The following NARS2 variants were observed in gnomAD, a reference collection of about 807,000 sequenced individuals.
The protein encoded by NARS2 is asparaginyl-tRNA synthetase.
In NARS2, 60 loss-of-function variants were observed where a neutral mutation model predicts 62.9. The observed-to-expected ratio is 0.95, with a 90% CI of 0.77 to 1.18. NARS2 has a LOEUF of 1.18. Among genes scored for constraint, NARS2 ranks in the 50% most tolerant of loss-of-function variants. The pLI is 0.00. For synonymous variants in NARS2, 196 were observed against 200.0 expected, an observed-to-expected ratio of 0.98 and a Z score of 0.17; for missense variants, 619 against 576.4, an observed-to-expected ratio of 1.07 and a Z score of -0.76.
chr11:78,440,042 TA>T (rs1337306221), intron 13 of NARS2, among the ~76,000 whole-genome samples: 4 of 152,098 alleles, frequency 2.6e-5, no homozygotes, highest in African/African-American at 9.7e-5. Context: ...GCATAATGCT[TA>T]AGAGCAAAGG....
chr11:78,475,036 G>A (rs950687333), intron 9 of NARS2, among the ~76,000 whole-genome samples: 6 of 152,034 alleles, frequency 3.9e-5, no homozygotes, highest in African/African-American at 1.4e-4. Flanking sequence ...TGGTCTAACT[G>A]AAACTTTGTA....
intron 6 of NARS2, among the ~76,000 whole-genome samples, chr11:78,494,674 ATAAACAGT>A (rs1859982455): frequency 6.6e-6 from 1 of 152,144 alleles, no homozygotes; most frequent in African/African-American, 2.4e-5. Context: ...TATTGAAAAA[ATAAACAGT>A]AGGAACTCAA....
intron 11 of NARS2, among the ~76,000 whole-genome samples, chr11:78,449,204 C>T (rs1001138031): frequency 2.8e-5 from 4 of 141,624 alleles, no homozygotes; most frequent in Admixed American, 7.4e-5. Context: ...GGTGCGATCT[C>T]GGCTCACTGC....
intron 6 of NARS2, among the ~76,000 whole-genome samples, chr11:78,493,667 A>G (rs1015239999): frequency 4.0e-5 from 6 of 151,538 alleles, no homozygotes; most frequent in Non-Finnish European, 7.4e-5. Context: ...ATAAATGAAC[A>G]AACAAACAAA....
intron 7 of NARS2, among the ~76,000 whole-genome samples, chr11:78,489,598 T>A (rs1859729398): frequency 6.6e-6 from 1 of 152,192 alleles, no homozygotes; most frequent in South Asian, 2.1e-4. Flanking sequence ...GACTTTGGTA[T>A]CCATAATGGC....
intron 1 of NARS2, chr11:78,571,802 T>C (rs966961502): frequency 1.1e-5 from 2 of 176,904 alleles, no homozygotes; most frequent in African/African-American, 2.4e-5. Context: ...AGGGCACATA[T>C]CTTGGTGCCT....
chr11:78,497,896 T>C (rs1218293564), intron 6 of NARS2, among the ~76,000 whole-genome samples: 2 of 152,206 alleles, frequency 1.3e-5, no homozygotes, highest in Non-Finnish European at 2.9e-5. Context: ...TGCCAAAAAC[T>C]TGTGCCAAAT....
intron 7 of NARS2, among the ~76,000 whole-genome samples, 185 bp from the exon 8 acceptor site, chr11:78,478,868 C>T (rs1180210982): frequency 2.6e-5 from 4 of 152,012 alleles, no homozygotes; most frequent in Non-Finnish European, 5.9e-5. Context: ...TGGTGGGTGG[C>T]AGGGAGGAAG....
intron 6 of NARS2, among the ~76,000 whole-genome samples, chr11:78,511,336 C>T (rs1860713206): frequency 6.6e-6 from 1 of 152,186 alleles, no homozygotes; most frequent in South Asian, 2.1e-4. Flanking sequence ...GCCTTGTCCT[C>T]CCCAAGTGCT....
intron 11 of NARS2, among the ~76,000 whole-genome samples, chr11:78,456,703 C>A (rs1858175320): frequency 6.6e-6 from 1 of 152,146 alleles, no homozygotes; most frequent in Non-Finnish European, 1.5e-5. Context: ...ATTGTGGCAT[C>A]TCATCAAGGA....
chr11:78,514,267 C>T (rs1162874002), intron 6 of NARS2, among the ~76,000 whole-genome samples: 1 of 152,046 alleles, frequency 6.6e-6, no homozygotes, highest in South Asian at 2.1e-4. Context: ...GGACTACAGG[C>T]GTATGCCACC....
chr11:78,478,090 T>G (rs1417777594), intron 9 of NARS2, among the ~76,000 whole-genome samples: 2 of 152,180 alleles, frequency 1.3e-5, no homozygotes, highest in Non-Finnish European at 2.9e-5. Context: ...GAGCATGGTT[T>G]TTACAGTTTT....
intron 11 of NARS2, among the ~76,000 whole-genome samples, chr11:78,461,824 G>C (rs908776078): frequency 5.3e-5 from 8 of 151,170 alleles, no homozygotes; most frequent in Admixed American, 1.3e-4. Flanking sequence ...GTGGTGGCAT[G>C]CGTCTGTAGT....
At chr11:78,551,118 T>G (rs553089755) in intron 5 of NARS2, among the ~76,000 whole-genome samples, 6 of 152,324 alleles carry the variant, frequency 3.9e-5, no homozygotes, top group Non-Finnish European at 8.8e-5. Flanking sequence ...GTGATAAAAA[T>G]GTCCTCAAAT....
chr11:78,519,532 A>T (rs1044633089), intron 6 of NARS2, among the ~76,000 whole-genome samples: 2 of 152,226 alleles, frequency 1.3e-5, no homozygotes, highest in African/African-American at 2.4e-5. Context: ...ACAGTTAAAA[A>T]ACCAGAATCA....
intron 6 of NARS2, among the ~76,000 whole-genome samples, chr11:78,501,158 T>C (rs1051105764): frequency 5.3e-5 from 8 of 152,188 alleles, no homozygotes; most frequent in African/African-American, 1.9e-4. Flanking sequence ...AATAACATAT[T>C]TTTTATGAAA....
chr11:78,485,896 C>T (rs925367842), intron 7 of NARS2, among the ~76,000 whole-genome samples: 2 of 152,066 alleles, frequency 1.3e-5, no homozygotes, highest in Non-Finnish European at 1.5e-5. Context: ...TTTTTTGAGA[C>T]GGAGTCTTGC....
At chr11:78,556,356 C>T (rs1243161827) in intron 5 of NARS2, among the ~76,000 whole-genome samples, 1 of 152,108 alleles carries the variant, frequency 6.6e-6, no homozygotes, top group Non-Finnish European at 1.5e-5. Context: ...AAAGCAATTC[C>T]ACCTTATTTC....
chr11:78,466,189 G>C (rs1365402414), intron 10 of NARS2, among the ~76,000 whole-genome samples, 176 bp from the exon 11 acceptor site: 1 of 152,104 alleles, frequency 6.6e-6, no homozygotes, highest in Non-Finnish European at 1.5e-5. Context: ...TTGTTAACAA[G>C]AACACCTACA....
Sources: allele counts gnomAD v4.1 joint callset (sites outside exome capture counted in the v4.1 genomes callset), GRCh38; gene constraint gnomAD v4.1.1; transcripts MANE v1.5; gene names NCBI Gene and HGNC (gene_info 2026-07-23, HGNC 2026-07-21).